The following OPHN1 variants were observed in gnomAD, a reference collection of about 807,000 sequenced individuals.
OPHN1 encodes oligophrenin-1.
OPHN1 carries 11 observed loss-of-function variants against 60.7 expected under a neutral mutation model. The observed-to-expected ratio is 0.18, with a 90% confidence interval of 0.11 to 0.30. OPHN1 has a LOEUF of 0.30. Ranked by LOEUF, OPHN1 falls within the 10% of genes least tolerant of loss-of-function variation. OPHN1 has a pLI of 1.00. For missense variants in OPHN1, 449 were observed against 611.0 expected (o/e 0.73, Z 2.80); for synonymous variants, 226 against 222.6 (o/e 1.02, Z -0.14).
chrX:68,048,497 T>C, intron 23 of OPHN1, 40 bp from the exon 24 acceptor site: 1 of 1,159,725 alleles, frequency 8.6e-7, no homozygotes, highest in Non-Finnish European at 1.2e-6. Flanking sequence ...ATTCTAGAAA[T>C]CAGGACTGGA....
intron 24 of OPHN1, among the ~76,000 whole-genome samples, chrX:68,048,140 T>C (rs2076838332): frequency 8.9e-6 from 1 of 112,040 alleles, no homozygotes; most frequent in East Asian, 2.8e-4. Flanking sequence ...CTAGGATTCT[T>C]AATAAATTTG....
chrX:68,282,296 T>C (rs2078023086), intron 4 of OPHN1, among the ~76,000 whole-genome samples: 1 of 111,828 alleles, frequency 8.9e-6, no homozygotes, highest in South Asian at 3.7e-4. Context: ...CAATCTGAAA[T>C]GGCTACATAC....
chrX:68,396,383 T>C (rs2078683880), intron 2 of OPHN1, among the ~76,000 whole-genome samples: 1 of 84,618 alleles, frequency 1.2e-5, no homozygotes, highest in South Asian at 6.5e-4. Context: ...TGAGCTATGA[T>C]TGTGCCACTG....
chrX:68,390,114 A>G (rs1316387015), intron 2 of OPHN1, among the ~76,000 whole-genome samples: 2 of 111,186 alleles, frequency 1.8e-5, no homozygotes, highest in Non-Finnish European at 3.8e-5. Flanking sequence ...GAATAGCAGC[A>G]TGGCAGTAAC....
At chrX:68,431,782 G>A (rs1321804612) in intron 2 of OPHN1, among the ~76,000 whole-genome samples, 4 of 110,866 alleles carry the variant, frequency 3.6e-5, no homozygotes, top group Admixed American at 1.9e-4. Context: ...GACTGCATCC[G>A]CCTAAGAAGG....
chrX:68,178,583 TA>T (rs1012040787), intron 15 of OPHN1, among the ~76,000 whole-genome samples: 2 of 110,880 alleles, frequency 1.8e-5, no homozygotes, highest in Non-Finnish European at 3.8e-5. Context: ...TTTGTATTTT[TA>T]ATAGAGACAG....
intron 2 of OPHN1, among the ~76,000 whole-genome samples, chrX:68,426,573 T>TATATATATATATATATATATATATATA (rs1555987168): frequency 1.2e-5 from 1 of 81,619 alleles, no homozygotes. Context: ...TATATATACA[T>TATATATATATATATATATATATATATA]ACACAGAGGC....
At chrX:68,292,481 A>C (rs2078075276) in intron 3 of OPHN1, among the ~76,000 whole-genome samples, 1 of 111,795 alleles carries the variant, frequency 8.9e-6, no homozygotes, top group African/African-American at 3.3e-5. Flanking sequence ...TCTGGTAATA[A>C]AATTTCATCA....
At chrX:68,408,490 G>A (rs2078754503) in intron 2 of OPHN1, among the ~76,000 whole-genome samples, 2 of 111,919 alleles carry the variant, frequency 1.8e-5, no homozygotes, top group South Asian at 3.7e-4. Context: ...AGTGCACAGC[G>A]AAAACCACTT....
intron 15 of OPHN1, among the ~76,000 whole-genome samples, chrX:68,139,092 A>G (rs1414510387): frequency 8.9e-6 from 1 of 111,763 alleles, no homozygotes; most frequent in Non-Finnish European, 1.9e-5. Flanking sequence ...AGAACGCGGA[A>G]TAATTCTACA....
chrX:68,353,669 CATA>C (rs1310338262), intron 2 of OPHN1, among the ~76,000 whole-genome samples: 4 of 111,421 alleles, frequency 3.6e-5, no homozygotes, highest in Non-Finnish European at 5.6e-5. Flanking sequence ...AATATTAAAG[CATA>C]ATAAGATCAA....
At chrX:68,160,836 A>G (rs1274357215) in intron 15 of OPHN1, among the ~76,000 whole-genome samples, 1 of 111,151 alleles carries the variant, frequency 9.0e-6, no homozygotes, top group Non-Finnish European at 1.9e-5. Context: ...TCTCAAATCA[A>G]TCACCTAACT....
chrX:68,354,616 G>A (rs973553697), intron 2 of OPHN1, among the ~76,000 whole-genome samples: 1 of 107,616 alleles, frequency 9.3e-6, no homozygotes, highest in Non-Finnish European at 1.9e-5. Context: ...ATAGCTGGGC[G>A]TGGTGGCACA....
At chrX:68,317,725 AAAG>A (rs747274701) in intron 2 of OPHN1, among the ~76,000 whole-genome samples, 1 of 110,161 alleles carries the variant, frequency 9.1e-6, no homozygotes, top group Non-Finnish European at 1.9e-5. Context: ...AAAGAAAAGA[AAAG>A]AAAAGAAAAA....
chrX:68,112,549 G>C (rs2077109902), intron 17 of OPHN1: 1 of 115,299 alleles, frequency 8.7e-6, no homozygotes, highest in African/African-American at 3.2e-5. Flanking sequence ...TAAGTCCCCT[G>C]AATCTTTTTC....
At chrX:68,336,740 T>G (rs1417683089) in intron 2 of OPHN1, among the ~76,000 whole-genome samples, 4 of 109,115 alleles carry the variant, frequency 3.7e-5, no homozygotes, top group African/African-American at 1.3e-4. Context: ...TCCAATATGA[T>G]CACAGAAGTG....
intron 5 of OPHN1, among the ~76,000 whole-genome samples, chrX:68,269,657 C>A (rs891580341): frequency 6.3e-5 from 7 of 111,742 alleles, no homozygotes; most frequent in Non-Finnish European, 1.3e-4. Flanking sequence ...TCAGGCAATA[C>A]CATTCAGGAC....
chrX:68,344,437 C>A (rs112724939), intron 2 of OPHN1, among the ~76,000 whole-genome samples: 2 of 94,254 alleles, frequency 2.1e-5, no homozygotes, highest in Non-Finnish European at 4.9e-5. Context: ...CATGGTGAAA[C>A]CCCACCTTTA....
At chrX:68,402,255 G>GGAAA (rs1337302058) in intron 2 of OPHN1, among the ~76,000 whole-genome samples, 3 of 104,893 alleles carry the variant, frequency 2.9e-5, no homozygotes, top group Non-Finnish European at 5.8e-5. Flanking sequence ...TCATGAGAGA[G>GGAAA]GAAAGAAAGA....
Sources: allele counts gnomAD v4.1 joint callset (sites outside exome capture counted in the v4.1 genomes callset), GRCh38; gene constraint gnomAD v4.1.1; transcripts MANE v1.5; gene names NCBI Gene and HGNC (gene_info 2026-07-23, HGNC 2026-07-21).